The following LOC400499 variants were observed in gnomAD, a reference collection of about 807,000 sequenced individuals.
chr16:11,469,338 C>G, the LOC400499 span: 2 of 399,010 alleles, frequency 5.0e-6, no homozygotes, highest in African/African-American at 2.1e-5. Context: ...ACTGCCTGCC[C>G]TTTCTTTAAT....
At chr16:11,503,972 G>A in the LOC400499 span, among the ~76,000 whole-genome samples, 1 of 152,182 alleles carries the variant, frequency 6.6e-6, no homozygotes, top group South Asian at 2.1e-4. Flanking sequence ...CCCTCTGGCT[G>A]GTGGCTGCCT....
the LOC400499 span, among the ~76,000 whole-genome samples, chr16:11,484,385 T>C: frequency 2.6e-5 from 4 of 152,118 alleles, no homozygotes; most frequent in African/African-American, 9.7e-5. Flanking sequence ...ATGGTGATGA[T>C]CTCATGAGTG....
the LOC400499 span, among the ~76,000 whole-genome samples, chr16:11,386,937 T>C: frequency 6.6e-6 from 1 of 152,186 alleles, no homozygotes; most frequent in Non-Finnish European, 1.5e-5. Flanking sequence ...CCAAGACTTA[T>C]ATTCTGGACA....
At chr16:11,523,567 G>A in the LOC400499 span, 1 of 397,230 alleles carries the variant, frequency 2.5e-6, no homozygotes, top group Non-Finnish European at 4.4e-6. Flanking sequence ...CTGGGAAGAA[G>A]ATGAGAAATG....
chr16:11,440,822 T>C, the LOC400499 span: 3 of 398,876 alleles, frequency 7.5e-6, no homozygotes, highest in African/African-American at 6.2e-5. Flanking sequence ...CCATCCAAGC[T>C]CAGGGCCTGG....
the LOC400499 span, among the ~76,000 whole-genome samples, chr16:11,499,023 C>A: frequency 6.0e-5 from 7 of 116,292 alleles, no homozygotes; most frequent in African/African-American, 2.1e-4. Context: ...GCACATGAAT[C>A]GAACATATGT....
At chr16:11,374,641 T>G in the LOC400499 span, among the ~76,000 whole-genome samples, 1 of 152,178 alleles carries the variant, frequency 6.6e-6, no homozygotes, top group Non-Finnish European at 1.5e-5. Context: ...GTCATCCATG[T>G]GGTAGCGTGT....
the LOC400499 span, among the ~76,000 whole-genome samples, chr16:11,406,620 C>T: frequency 2.0e-5 from 3 of 152,194 alleles, no homozygotes; most frequent in South Asian, 4.1e-4. Context: ...TTAGTAGAGA[C>T]GGGGTTTCCC....
the LOC400499 span, among the ~76,000 whole-genome samples, chr16:11,426,269 C>G: frequency 6.6e-6 from 1 of 152,100 alleles, no homozygotes; most frequent in Non-Finnish European, 1.5e-5. Flanking sequence ...AACCCTGTCT[C>G]TACTAAGAAT....
chr16:11,404,141 G>C, the LOC400499 span, among the ~76,000 whole-genome samples: 1 of 152,130 alleles, frequency 6.6e-6, no homozygotes, highest in East Asian at 1.9e-4. Flanking sequence ...GGCCTTCCCA[G>C]ACCACCCCAC....
At chr16:11,511,986 A>C in the LOC400499 span, among the ~76,000 whole-genome samples, 1,477 of 151,510 alleles carry the variant, frequency 9.7e-3, 13 homozygotes, top group Non-Finnish European at 0.013. Context: ...GCGACAGACC[A>C]AGACTGTCTC....
the LOC400499 span, among the ~76,000 whole-genome samples, chr16:11,389,136 A>G: frequency 0.84 from 127,236 of 152,164 alleles, 54,538 homozygotes; most frequent in Non-Finnish European, 0.93. Context: ...TTTGTGCAGT[A>G]GTGACCCCCA....
At chr16:11,471,899 A>G in the LOC400499 span, 1 of 398,762 alleles carries the variant, frequency 2.5e-6, no homozygotes, top group Non-Finnish European at 4.4e-6. Flanking sequence ...CTGCCACATC[A>G]GCAAAGAAAC....
At chr16:11,474,774 T>C in the LOC400499 span, among the ~76,000 whole-genome samples, 2 of 151,730 alleles carry the variant, frequency 1.3e-5, no homozygotes, top group Non-Finnish European at 2.9e-5. Flanking sequence ...GAGGCTGAGA[T>C]GGGAGGACCA....
chr16:11,449,162 C>G, the LOC400499 span: 2 of 1,317,728 alleles, frequency 1.5e-6, no homozygotes, highest in Admixed American at 2.4e-5. Flanking sequence ...TTTCCTCCAC[C>G]TGGGATACCC....
chr16:11,475,113 G>C, the LOC400499 span, among the ~76,000 whole-genome samples: 1 of 152,088 alleles, frequency 6.6e-6, no homozygotes, highest in Non-Finnish European at 1.5e-5. Flanking sequence ...TGCAGCTTGT[G>C]GATTCAGTCA....
the LOC400499 span, among the ~76,000 whole-genome samples, chr16:11,388,406 G>T: frequency 6.6e-6 from 1 of 152,152 alleles, no homozygotes; most frequent in African/African-American, 2.4e-5. Flanking sequence ...TTTATGGCTG[G>T]GGAAACTGAG....
At chr16:11,475,295 G>A in the LOC400499 span, among the ~76,000 whole-genome samples, 5 of 152,066 alleles carry the variant, frequency 3.3e-5, no homozygotes, top group African/African-American at 1.2e-4. Context: ...AAACCTGCAT[G>A]TTCTGCACAT....
chr16:11,395,901 G>A, the LOC400499 span, among the ~76,000 whole-genome samples: 4 of 152,130 alleles, frequency 2.6e-5, no homozygotes, highest in African/African-American at 7.2e-5. Context: ...TCCTACAGAT[G>A]AGGAAACACA....
Sources: gnomAD v4.1 joint callset for allele counts (sites outside exome capture counted in the v4.1 genomes callset) on GRCh38, gnomAD v4.1.1 for gene constraint, MANE v1.5 for transcripts.